ATG7: variants seen among roughly 807,000 people sequenced by gnomAD.
ATG7 encodes autophagy related 7.
In ATG7, 70 loss-of-function variants were observed where a neutral mutation model predicts 82.4. That is an observed-to-expected ratio of 0.85 (90% confidence interval 0.70 to 1.04). The LOEUF is 1.04. Ranked by LOEUF, ATG7 falls within the 50% of genes least tolerant of loss-of-function variation. The pLI, the probability that ATG7 is intolerant of heterozygous loss-of-function variation, is 0.00. For missense variants in ATG7, 792 were observed against 864.3 expected, an observed-to-expected ratio of 0.92 and a Z score of 1.05; for synonymous variants, 287 against 313.0, an observed-to-expected ratio of 0.92 and a Z score of 0.88.
intron 18 of ATG7, among the ~76,000 whole-genome samples, chr3:11,372,083 G>A (rs558645973): frequency 6.6e-6 from 1 of 151,506 alleles, no homozygotes; most frequent in Admixed American, 6.6e-5. Flanking sequence ...TGTCTCCTAA[G>A]GCCCTGTGAG....
At chr3:11,357,076 A>G (rs1184363624) in intron 14 of ATG7, among the ~76,000 whole-genome samples, 3 of 152,216 alleles carry the variant, frequency 2.0e-5, no homozygotes, top group African/African-American at 2.4e-5. Flanking sequence ...TCTTTGTAAA[A>G]AGATCTGCTT....
chr3:11,340,808 A>C, intron 12 of ATG7, 73 bp downstream of exon 12: 1 of 1,376,492 alleles, frequency 7.3e-7, no homozygotes. Context: ...TGTCAGGCCA[A>C]CACAACATTG....
intron 20 of ATG7, among the ~76,000 whole-genome samples, chr3:11,453,495 G>C (rs2085401550): frequency 6.6e-6 from 1 of 152,170 alleles, no homozygotes; most frequent in African/African-American, 2.4e-5. Context: ...AGCTAGAAAA[G>C]GGTGGAGAAG....
At chr3:11,337,636 A>G (rs1028318190) in intron 11 of ATG7, among the ~76,000 whole-genome samples, 3 of 151,992 alleles carry the variant, frequency 2.0e-5, no homozygotes, top group Non-Finnish European at 4.4e-5. Context: ...AGAAATGGCT[A>G]TAGCCTTTAT....
rs570805795 is a variant in ATG7 at position 11,353,123 on chromosome 3, AT to A, written c.1284+5089del. On this transcript the variant is annotated intron_variant, in intron 14 of 20. Transcript: ENST00000693202. Reference sequence around the variant, plus strand: ...GACATTTGACTTGGAAAAGAAAAAAATAATGGGTGATAGCCCCTTTAAAAAT... The same window carrying A: ...GACATTTGACTTGGAAAAGAAAAAAAAATGGGTGATAGCCCCTTTAAAAAT... 3.3e-4 allele frequency among the ~76,000 whole-genome samples: 50 copies of A among 152,362 alleles called. No individual in the cohort carries two copies. The South Asian group carries it at 8.9e-3, about 27-fold the overall frequency.
intron 20 of ATG7, among the ~76,000 whole-genome samples, chr3:11,453,272 A>G (rs1448213534): frequency 6.6e-6 from 1 of 152,256 alleles, no homozygotes. Context: ...GCCTGTCCCC[A>G]AGCTTTAGTA....
intron 9 of ATG7, among the ~76,000 whole-genome samples, chr3:11,317,815 A>G (rs1390815491): frequency 6.7e-6 from 1 of 149,082 alleles, no homozygotes; most frequent in Admixed American, 6.7e-5. Flanking sequence ...CTAGTCTCAA[A>G]CTCCTGACCT....
intron 20 of ATG7, among the ~76,000 whole-genome samples, chr3:11,460,161 C>T (rs574840974): frequency 1.6e-3 from 249 of 152,286 alleles, no homozygotes; most frequent in Non-Finnish European, 2.7e-3. Context: ...TTATTGAGTC[C>T]ACTGGTTCTT....
chr3:11,416,498 T>C (rs769849208), intron 19 of ATG7, among the ~76,000 whole-genome samples: 1 of 152,190 alleles, frequency 6.6e-6, no homozygotes, highest in Non-Finnish European at 1.5e-5. Flanking sequence ...GATACGGAGT[T>C]GTTGATAGTA....
chr3:11,458,808 G>A (rs1197535284), intron 20 of ATG7, among the ~76,000 whole-genome samples: 1 of 152,202 alleles, frequency 6.6e-6, no homozygotes, highest in Admixed American at 6.5e-5. Flanking sequence ...GTACTGGTCC[G>A]AGGCCTGTTA....
chr3:11,312,355 C>T (rs1320939178), intron 7 of ATG7, among the ~76,000 whole-genome samples: 1 of 152,166 alleles, frequency 6.6e-6, no homozygotes, highest in Non-Finnish European at 1.5e-5. Context: ...AATTAAGGCC[C>T]CAAAAGCTGT....
At chr3:11,354,510 G>A (rs556878305) in intron 14 of ATG7, among the ~76,000 whole-genome samples, 38 of 151,950 alleles carry the variant, frequency 2.5e-4, no homozygotes, top group African/African-American at 4.1e-4. Flanking sequence ...TTAGCTGGGC[G>A]TGGTGGCGCA....
intron 9 of ATG7, among the ~76,000 whole-genome samples, chr3:11,322,620 CACA>C (rs1269226966): frequency 6.6e-6 from 1 of 152,110 alleles, no homozygotes; most frequent in Non-Finnish European, 1.5e-5. Flanking sequence ...TTATATTCTA[CACA>C]ACATCCTTTT....
At chr3:11,363,963 TAA>T (rs2076439147) in intron 17 of ATG7, among the ~76,000 whole-genome samples, 1 of 152,202 alleles carries the variant, frequency 6.6e-6, no homozygotes, top group South Asian at 2.1e-4. Flanking sequence ...ATCTGTCATT[TAA>T]GTTTATTGCC....
chr3:11,477,232 C>A (rs1248141335), intron 20 of ATG7: 1 of 1,282,508 alleles, frequency 7.8e-7, no homozygotes, highest in Non-Finnish European at 1.0e-6. Context: ...TCTTTTATTC[C>A]TCGCCCATCT....
the ATG7 span, among the ~76,000 whole-genome samples, chr3:11,575,574 G>A: frequency 3.3e-5 from 5 of 152,312 alleles, no homozygotes; most frequent in Admixed American, 6.5e-5. Flanking sequence ...GAAACCTGGC[G>A]GATCCGGAAC....
chr3:11,572,893 C>T, the ATG7 span, among the ~76,000 whole-genome samples: 29 of 152,164 alleles, frequency 1.9e-4, no homozygotes, highest in African/African-American at 6.0e-4. Context: ...GTAGGCCAGG[C>T]GCAGTGGCTC....
intron 20 of ATG7, among the ~76,000 whole-genome samples, chr3:11,448,309 C>T (rs1446880401): frequency 6.6e-6 from 1 of 152,230 alleles, no homozygotes; most frequent in East Asian, 1.9e-4. Context: ...CCAGGCTCCT[C>T]CATGCTCTCC....
chr3:11,275,430 G>A (rs1941531416), intron 1 of ATG7, among the ~76,000 whole-genome samples: 1 of 149,504 alleles, frequency 6.7e-6, no homozygotes, highest in Admixed American at 6.7e-5. Context: ...CTCACTGCAA[G>A]CTCTGCCTCC....
Sources: gnomAD v4.1 joint callset for allele counts (sites outside exome capture counted in the v4.1 genomes callset) on GRCh38, gnomAD v4.1.1 for gene constraint, MANE v1.5 for transcripts, NCBI Gene and HGNC (gene_info 2026-07-23, HGNC 2026-07-21) for gene names.